The following CFAP299 variants were observed in gnomAD, a reference collection of about 807,000 sequenced individuals.
The protein encoded by CFAP299 is cilia and flagella associated protein 299.
CFAP299 carries 21 observed loss-of-function variants against 27.0 expected under a neutral mutation model. The ratio of observed to expected loss-of-function variants is 0.78; its 90% CI spans 0.55 to 1.12. The LOEUF is 1.12. Among genes scored for constraint, CFAP299 ranks in the 50% most tolerant of loss-of-function variants. The pLI is 0.00. For missense variants in CFAP299, 310 were observed against 276.6 expected, an observed-to-expected ratio of 1.12 and a Z score of -0.86; for synonymous variants, 104 against 98.1, an observed-to-expected ratio of 1.06 and a Z score of -0.36.
intron 3 of CFAP299, among the ~76,000 whole-genome samples, chr4:80,629,161 A>G (rs1739076993): frequency 6.6e-6 from 1 of 152,182 alleles, no homozygotes. Context: ...CATTTGCAAC[A>G]ACATGTATTA....
At chr4:80,362,656 AAT>A in intron 1 of CFAP299, 96 bp from the exon 2 acceptor site, 1 of 1,252,558 alleles carries the variant, frequency 8.0e-7, no homozygotes, top group East Asian at 2.5e-5. Flanking sequence ...CATTTAAAGC[AAT>A]TGCTTGGTAT....
intron 3 of CFAP299, among the ~76,000 whole-genome samples, chr4:80,795,660 C>T (rs1727813848): frequency 6.6e-6 from 1 of 152,134 alleles, no homozygotes; most frequent in South Asian, 2.1e-4. Context: ...TGAGCCCAGT[C>T]ACATACATAC....
intron 2 of CFAP299, among the ~76,000 whole-genome samples, chr4:80,493,376 A>G (rs978143666): frequency 6.6e-6 from 1 of 152,152 alleles, no homozygotes; most frequent in Non-Finnish European, 1.5e-5. Context: ...TCATTCCCCT[A>G]TTGGCTAGGG....
At chr4:80,356,101 C>A (rs1219679613) in intron 1 of CFAP299, among the ~76,000 whole-genome samples, 1 of 57,232 alleles carries the variant, frequency 1.7e-5, no homozygotes, top group Non-Finnish European at 3.3e-5. Flanking sequence ...GGAATCCTTT[C>A]CCCATTGTTT....
intron 4 of CFAP299, among the ~76,000 whole-genome samples, chr4:80,901,014 G>A (rs764071088): frequency 6.6e-6 from 1 of 151,866 alleles, no homozygotes; most frequent in African/African-American, 2.4e-5. Flanking sequence ...ATTAAAAAGG[G>A]TTTGCAATAA....
intron 4 of CFAP299, among the ~76,000 whole-genome samples, chr4:80,944,215 A>G (rs145138184): frequency 1.3e-5 from 2 of 152,312 alleles, no homozygotes; most frequent in African/African-American, 4.8e-5. Flanking sequence ...TCAAGACTTT[A>G]ATGATGCTAG....
At chr4:80,753,965 G>C (rs1010992868) in intron 3 of CFAP299, among the ~76,000 whole-genome samples, 2 of 152,128 alleles carry the variant, frequency 1.3e-5, no homozygotes, top group Admixed American at 6.6e-5. Context: ...TCCACTGTTA[G>C]ATAGTTCAAA....
At chr4:80,387,907 G>A (rs954018322) in intron 2 of CFAP299, 42 of 901,556 alleles carry the variant, frequency 4.7e-5, no homozygotes, top group Non-Finnish European at 5.6e-6. Flanking sequence ...GCCCCCGGTG[G>A]CACTGGTCAT....
intron 2 of CFAP299, among the ~76,000 whole-genome samples, chr4:80,463,258 A>T (rs971970941): frequency 6.6e-6 from 1 of 152,196 alleles, no homozygotes; most frequent in African/African-American, 2.4e-5. Context: ...TACTTTAAAA[A>T]TCACCTATAG....
chr4:80,366,405 A>G (rs1054549861), intron 2 of CFAP299, among the ~76,000 whole-genome samples: 1 of 152,226 alleles, frequency 6.6e-6, no homozygotes, highest in Non-Finnish European at 1.5e-5. Context: ...GATGAAAGTT[A>G]AAGATATCAG....
chr4:80,938,670 G>A (rs1413261850), intron 4 of CFAP299, among the ~76,000 whole-genome samples: 1 of 152,116 alleles, frequency 6.6e-6, no homozygotes, highest in African/African-American at 2.4e-5. Flanking sequence ...GCGCTGCTAG[G>A]TTAGGGTCTC....
At chr4:80,909,203 G>A (rs1372731681) in intron 4 of CFAP299, among the ~76,000 whole-genome samples, 7 of 150,924 alleles carry the variant, frequency 4.6e-5, no homozygotes, top group South Asian at 2.1e-4. Context: ...ACTTAACTAC[G>A]AACAATTAAC....
intron 2 of CFAP299, among the ~76,000 whole-genome samples, chr4:80,496,471 T>C (rs942889448): frequency 5.3e-5 from 8 of 152,142 alleles, no homozygotes; most frequent in Admixed American, 3.3e-4. Flanking sequence ...CTCATTTCCA[T>C]GTGAGATCTC....
chr4:80,474,669 A>G (rs1185194458), intron 2 of CFAP299, among the ~76,000 whole-genome samples: 1 of 152,230 alleles, frequency 6.6e-6, no homozygotes, highest in Non-Finnish European at 1.5e-5. Flanking sequence ...ATAAATCTGA[A>G]GTTGAAATTC....
At position 80,504,505 on chromosome 4, in the gene CFAP299, A is replaced by ATTTTTT. The variant is rs1553929244; in HGVS notation, c.243-78584_243-78583insTTTTTT. Among the ~76,000 whole-genome samples the ATTTTTT allele has an allele frequency of 1.6e-4, 18 of 110,174 alleles. 1 individual carries two copies. Among genetic ancestry groups the ATTTTTT allele is most frequent in the South Asian group, 2.9e-4 (1 of 3,442 alleles). 72.3% of individuals were successfully genotyped at this position (110,174 alleles called of 152,430 possible). Reference sequence around the variant, plus strand: ...TATATATATATATATATATATATATATTTTCCTTTGAAAGAATGCAATGAA... The same window carrying ATTTTTT: ...TATATATATATATATATATATATATATTTTTTTTTTCCTTTGAAAGAATGCAATGAA... On this transcript the variant is annotated intron_variant, in intron 2 of 5. Transcript: ENST00000358105.
At chr4:80,338,075 C>T (rs1722246728) in intron 1 of CFAP299, among the ~76,000 whole-genome samples, 1 of 152,108 alleles carries the variant, frequency 6.6e-6, no homozygotes. Context: ...GCTAAGTGAG[C>T]TGATACTTGT....
chr4:80,839,652 C>T (rs1730757040), intron 3 of CFAP299, among the ~76,000 whole-genome samples: 1 of 151,884 alleles, frequency 6.6e-6, no homozygotes. Context: ...AAGGTAAATT[C>T]CTCATAAAAA....
intron 3 of CFAP299, among the ~76,000 whole-genome samples, chr4:80,656,827 T>G (rs1181729949): frequency 6.6e-6 from 1 of 152,198 alleles, no homozygotes; most frequent in African/African-American, 2.4e-5. Flanking sequence ...GTTGAACTAA[T>G]GTACACTCCC....
chr4:80,511,413 C>T (rs940431006), intron 2 of CFAP299, among the ~76,000 whole-genome samples: 1 of 152,058 alleles, frequency 6.6e-6, no homozygotes, highest in African/African-American at 2.4e-5. Context: ...ATGAAATTTA[C>T]TGAAATGCAG....
Sources: allele counts gnomAD v4.1 joint callset (sites outside exome capture counted in the v4.1 genomes callset), GRCh38; gene constraint gnomAD v4.1.1; transcripts MANE v1.5; gene names NCBI Gene and HGNC (gene_info 2026-07-23, HGNC 2026-07-21).